The following DROSHA variants were observed in gnomAD, a reference collection of about 807,000 sequenced individuals.
DROSHA encodes ribonuclease 3.
DROSHA carries 56 observed loss-of-function variants against 181.9 expected under a neutral mutation model. The ratio of observed to expected loss-of-function variants is 0.31; its 90% confidence interval spans 0.25 to 0.38. The LOEUF (loss-of-function observed/expected upper bound fraction) is 0.38. DROSHA is among the 10% of genes least tolerant of loss of function. The pLI is 1.00. For missense variants in DROSHA, 1,218 were observed against 1,743.5 expected (o/e 0.70, Z 5.37); for synonymous variants, 524 against 591.2 (o/e 0.89, Z 1.65).
At chr5:31,500,869 C>T (rs1327146383) in intron 11 of DROSHA, among the ~76,000 whole-genome samples, 1 of 152,172 alleles carries the variant, frequency 6.6e-6, no homozygotes, top group East Asian at 1.9e-4. Flanking sequence ...TGGTGTCCTT[C>T]GGTACAAAAT....
At chr5:31,416,239 T>A (rs1741939383) in intron 30 of DROSHA, among the ~76,000 whole-genome samples, 1 of 152,200 alleles carries the variant, frequency 6.6e-6, no homozygotes, top group Non-Finnish European at 1.5e-5. Context: ...CTCCAAATTT[T>A]AAATTAATTT....
chr5:31,526,243 GTCA>G lies in DROSHA; in HGVS notation c.687_689del (p.Asp230del). 6.2e-7 allele frequency: 1 copy of G among 1,613,892 alleles called. No homozygotes were observed. Among genetic ancestry groups the G allele is most frequent in the South Asian group, 1.1e-5 (1 of 91,044 alleles). The stretch of plus-strand genomic sequence containing the variant: ...CATGACTGTGATCTCGGTGCCTGTG[GTCA>G]TCATAGTGTTTCAGCCTTTCTGGGG... On this transcript the variant is annotated inframe_deletion, in exon 5 of 36. Coordinates refer to ENST00000344624, the MANE Select transcript of DROSHA (RefSeq NM_001382508.1).
At position 31,526,394 on chromosome 5, in the gene DROSHA, G is replaced by A; in HGVS notation, c.539C>T (p.Pro180Leu). The A allele has an allele frequency of 1.9e-6, 3 of 1,613,722 alleles. No homozygotes were observed. Among genetic ancestry groups the A allele is most frequent in the Middle Eastern group, 1.6e-4 (1 of 6,062 alleles). The change falls in exon 5 of 36, where the codon CCC (proline) becomes CTC (leucine). Residue 180 changes from proline to leucine, a missense_variant. Physicochemically the swap from Pro to Leu is moderately conservative, Grantham distance 98. This residue lies in a region of DROSHA where 536 missense variants were observed against 535.4 expected (regional missense o/e 1.00). Transcript: ENST00000344624. ...PGYSHHNFPP[P>L]SFNSFQNNPS... is the part of the protein sequence containing the mutation. ...GTTGTTCTGGAAACTATTAAAACTG[G>A]GAGGTGGGAAGTTGTGGTGAGAATA...
At chr5:31,491,389 A>C (rs1162328452) in intron 13 of DROSHA, among the ~76,000 whole-genome samples, 2 of 152,240 alleles carry the variant, frequency 1.3e-5, no homozygotes, top group South Asian at 2.1e-4. Context: ...GCCAAAGCTT[A>C]TAAAGATTGA....
rs117987306 is a variant in DROSHA, at chr5:31,429,466, T to C, written c.3216+9A>G. 6.2e-3 allele frequency: 9,873 copies of C among 1,603,348 alleles called. 129 individuals carry two copies. Among genetic ancestry groups the C allele is most frequent in the South Asian group, 0.031 (2,721 of 88,012 alleles). On this transcript the variant is annotated intron_variant, in intron 27 of 35. Transcript: ENST00000344624. Reference sequence around the variant, plus strand: ...TAACAAAAAAAATCAAATGATTCCATAGAAATACCGGATCATTAAAGAGCA... The same window carrying C: ...TAACAAAAAAAATCAAATGATTCCACAGAAATACCGGATCATTAAAGAGCA...
At chr5:31,454,953 A>G (rs1343995793) in intron 20 of DROSHA, among the ~76,000 whole-genome samples, 1 of 151,598 alleles carries the variant, frequency 6.6e-6, no homozygotes, top group Non-Finnish European at 1.5e-5. Flanking sequence ...AAAAAAAAAA[A>G]AAAAAAAATT....
At chr5:31,460,677 T>C (rs1580172252) in intron 20 of DROSHA, among the ~76,000 whole-genome samples, 1 of 152,196 alleles carries the variant, frequency 6.6e-6, no homozygotes, top group Non-Finnish European at 1.5e-5. Context: ...CTTTGAATAA[T>C]CATAAAATTA....
chr5:31,449,671 G>T (rs1746729239), intron 21 of DROSHA, among the ~76,000 whole-genome samples: 1 of 152,138 alleles, frequency 6.6e-6, no homozygotes, highest in African/African-American at 2.4e-5. Context: ...AGGCTGCAGT[G>T]AGCTATGATC....
At position 31,483,646 on chromosome 5, in the gene DROSHA, G is replaced by GAAAA; in HGVS notation, c.1997-22_1997-19dup. 1.6e-6 allele frequency: 2 copies of GAAAA among 1,236,466 alleles called. No individual in the cohort carries two copies. The highest frequency in any genetic ancestry group is 1.5e-5 in the South Asian group (1 of 65,278). The allele number at this position is 1,236,466 out of a possible 1,614,324, so 76.6% of individuals were successfully genotyped here. ...CAAAGGACCTGAAGCAAACAAATGA[G>GAAAA]AAAAAAAAAAAAAAAAGAAAACTCA... On this transcript the variant is annotated intron_variant, in intron 15 of 35. Coordinates refer to ENST00000344624, the MANE Select transcript of DROSHA (RefSeq NM_001382508.1).
Position 31,521,284 on chromosome 5 carries a change from A to T in DROSHA, c.855-69T>A, listed in dbSNP as rs886855666. Reference sequence around the variant, plus strand: ...CAAAAACACCATCTCTTTTCACTGAATTCATCTTGTAAATAAATGGACCAC... The same window carrying T: ...CAAAAACACCATCTCTTTTCACTGATTTCATCTTGTAAATAAATGGACCAC... On this transcript the variant is annotated intron_variant, in intron 5 of 35. Transcript: ENST00000344624. The T allele has an allele frequency of 3.3e-6, 5 of 1,534,174 alleles. No individual in the cohort carries two copies. The African/African-American group carries it at 6.8e-5, about 21-fold the overall frequency.
chr5:31,414,159 G>A lies in DROSHA; in HGVS notation c.3526-3272C>T, dbSNP rs1731303022. On this transcript the variant is annotated intron_variant, in intron 30 of 35. Transcript: ENST00000344624. ...GATGTGAAGAAGACTGCACTTTCCT[G>A]TAGGGGAAGGGGAATCCCAAAAGAT... Among the ~76,000 whole-genome samples the A allele has an allele frequency of 1.3e-5, 2 of 152,306 alleles. 1 individual carries two copies. Among genetic ancestry groups the A allele is most frequent in the Middle Eastern group, 6.8e-3 (2 of 294 alleles).
At chr5:31,506,838 A>G (rs1738028177) in intron 10 of DROSHA, among the ~76,000 whole-genome samples, 1 of 152,206 alleles carries the variant, frequency 6.6e-6, no homozygotes, top group African/African-American at 2.4e-5. Context: ...CCTTTTACCA[A>G]GGTCTGGGAT....
chr5:31,527,107 C>T (rs914680885), intron 4 of DROSHA, among the ~76,000 whole-genome samples, 195 bp from the exon 5 acceptor site: 5 of 152,140 alleles, frequency 3.3e-5, no homozygotes, highest in African/African-American at 1.2e-4. Context: ...AACTCCTCTT[C>T]CCCTTTCTTG....
At chr5:31,438,292 C>G (rs1745135342) in intron 23 of DROSHA, among the ~76,000 whole-genome samples, 1 of 152,104 alleles carries the variant, frequency 6.6e-6, no homozygotes, top group South Asian at 2.1e-4. Flanking sequence ...TGTGTAGACA[C>G]TGAGTGCAGG....
At chr5:31,529,001 G>A in intron 4 of DROSHA, 39 bp downstream of exon 4, 1 of 1,611,290 alleles carries the variant, frequency 6.2e-7, no homozygotes, top group Non-Finnish European at 8.5e-7. Context: ...TCCTCTCTCG[G>A]TTCTCCCAAA....
intron 16 of DROSHA, among the ~76,000 whole-genome samples, chr5:31,479,118 C>G (rs561570659): frequency 1.4e-4 from 21 of 151,896 alleles, no homozygotes; most frequent in African/African-American, 4.8e-4. Flanking sequence ...ACAGAGAATG[C>G]CTGAAGTATC....
Position 31,526,902 on chromosome 5 carries a change from A to G in DROSHA, c.31T>C (p.Ser11Pro). MMQGNTCHRM[S>P]FHPGRGCPRG... ...GGACACCCTCGTCCCGGGTGGAACG[A>G]CATTCTGTGACTTCATGGCAGAAAA... Residue 11 changes from serine (S) to proline (P), a missense_variant, in exon 5 of 36, where the codon TCG (serine) becomes CCG (proline). Physicochemically the swap from Ser to Pro is moderately conservative, Grantham distance 74 (BLOSUM62 -1). This residue lies in a region of DROSHA where 536 missense variants were observed against 535.4 expected (regional missense o/e 1.00). Transcript: ENST00000344624. The G allele has an allele frequency of 3.7e-6, 6 of 1,612,554 alleles. No individual in the cohort carries two copies. The highest frequency in any genetic ancestry group is 5.1e-6 in the Non-Finnish European group (6 of 1,179,708).
chr5:31,529,740 A>C (rs1365294987), intron 3 of DROSHA, among the ~76,000 whole-genome samples: 1 of 150,016 alleles, frequency 6.7e-6, no homozygotes, highest in Non-Finnish European at 1.5e-5. Context: ...CAAACAAAAA[A>C]AAAAAAACAA....
At chr5:31,472,638 T>C (rs1190480750) in intron 16 of DROSHA, among the ~76,000 whole-genome samples, 1 of 152,242 alleles carries the variant, frequency 6.6e-6, no homozygotes, top group Admixed American at 6.5e-5. Context: ...TCTTTAGAAG[T>C]GATGTTACTG....
Sources: gnomAD v4.1 joint callset for allele counts (sites outside exome capture counted in the v4.1 genomes callset) on GRCh38, gnomAD v4.1.1 for gene constraint, gnomAD v4.1.1 regional missense constraint, MANE v1.5 for transcripts, NCBI Gene and HGNC (gene_info 2026-07-23, HGNC 2026-07-21) for gene names.